Variants in AKAP19 observed in about 807,000 individuals in gnomAD.
AKAP19 encodes the protein A-kinase anchoring protein 19.
the AKAP19 span, chr2:190,056,912 T>C: frequency 8.5e-6 from 2 of 234,216 alleles, no homozygotes; most frequent in African/African-American, 4.6e-5. Context: ...AACAAAACTT[T>C]AAAGAAATAG....
At chr2:189,930,272 G>C in the AKAP19 span, 17 of 452,872 alleles carry the variant, frequency 3.8e-5, no homozygotes, top group Admixed American at 5.9e-4. Flanking sequence ...TGGCTCAATA[G>C]TCTAGGTTGA....
chr2:189,986,045 A>C, the AKAP19 span, among the ~76,000 whole-genome samples: 1 of 152,314 alleles, frequency 6.6e-6, no homozygotes, highest in South Asian at 2.1e-4. Flanking sequence ...AATTTGAGAG[A>C]GGCTAGCCAT....
chr2:189,949,669 C>G, the AKAP19 span, among the ~76,000 whole-genome samples: 7 of 133,316 alleles, frequency 5.3e-5, no homozygotes, highest in Non-Finnish European at 1.1e-4. Context: ...GAGTCTCACT[C>G]TCACCAGGCT....
At chr2:190,056,229 A>G in the AKAP19 span, 1 of 152,566 alleles carries the variant, frequency 6.6e-6, no homozygotes, top group South Asian at 2.1e-4. Context: ...TTAATTTGAA[A>G]TGTCCTTAGT....
At chr2:189,894,281 A>G in the AKAP19 span, among the ~76,000 whole-genome samples, 1 of 152,100 alleles carries the variant, frequency 6.6e-6, no homozygotes, top group Admixed American at 6.6e-5. Context: ...GATTAAAATA[A>G]TTTTCTTTAT....
At chr2:190,018,769 T>C in the AKAP19 span, among the ~76,000 whole-genome samples, 67 of 152,222 alleles carry the variant, frequency 4.4e-4, 1 homozygote, top group Non-Finnish European at 5.1e-4. Flanking sequence ...TCTTTCACTT[T>C]TACAGATGTT....
At chr2:190,074,083 C>T in the AKAP19 span, among the ~76,000 whole-genome samples, 1 of 151,536 alleles carries the variant, frequency 6.6e-6, no homozygotes, top group South Asian at 2.1e-4. Context: ...TAGGCTCCAT[C>T]ACCAAAGATT....
the AKAP19 span, among the ~76,000 whole-genome samples, chr2:190,143,639 A>C: frequency 6.6e-6 from 1 of 152,204 alleles, no homozygotes; most frequent in Non-Finnish European, 1.5e-5. Flanking sequence ...TTCTCCTAGA[A>C]ATACCATTTG....
chr2:190,189,167 A>G, the AKAP19 span, among the ~76,000 whole-genome samples: 6 of 152,356 alleles, frequency 3.9e-5, no homozygotes, highest in South Asian at 2.1e-4. Context: ...GGCAATGAGA[A>G]GAAAGAAACA....
the AKAP19 span, chr2:190,181,205 A>C: frequency 4.2e-6 from 4 of 953,980 alleles, no homozygotes; most frequent in Non-Finnish European, 5.0e-6. Flanking sequence ...CAATGGCAGA[A>C]ACCCATGAGT....
chr2:190,028,777 G>A, the AKAP19 span, among the ~76,000 whole-genome samples: 3 of 152,052 alleles, frequency 2.0e-5, no homozygotes, highest in Non-Finnish European at 2.9e-5. Flanking sequence ...ACCTCATTAA[G>A]AATCAAATAA....
chr2:190,106,617 C>A, the AKAP19 span, among the ~76,000 whole-genome samples: 1 of 152,098 alleles, frequency 6.6e-6, no homozygotes, highest in African/African-American at 2.4e-5. Context: ...ATCCATGGGG[C>A]CTTTATCTCT....
the AKAP19 span, among the ~76,000 whole-genome samples, chr2:190,151,724 G>A: frequency 3.3e-5 from 5 of 151,190 alleles, no homozygotes; most frequent in Non-Finnish European, 5.9e-5. Context: ...TGGCCAGGCC[G>A]GGCATAGTGG....
the AKAP19 span, among the ~76,000 whole-genome samples, chr2:190,065,039 G>A: frequency 1.3e-5 from 2 of 152,152 alleles, no homozygotes; most frequent in Non-Finnish European, 2.9e-5. Context: ...CAGGTTCCCA[G>A]ATGAGGTCAA....
At chr2:189,993,118 A>T in the AKAP19 span, among the ~76,000 whole-genome samples, 1 of 152,150 alleles carries the variant, frequency 6.6e-6, no homozygotes, top group Non-Finnish European at 1.5e-5. Flanking sequence ...AATGCTTTCA[A>T]CTTTTCCCTG....
the AKAP19 span, chr2:189,930,995 T>G: frequency 8.6e-6 from 7 of 815,296 alleles, no homozygotes; most frequent in Non-Finnish European, 1.4e-5. Context: ...GTGGGGGATT[T>G]GAGGCAGTTC....
At chr2:190,131,760 T>C in the AKAP19 span, among the ~76,000 whole-genome samples, 1 of 152,174 alleles carries the variant, frequency 6.6e-6, no homozygotes, top group Non-Finnish European at 1.5e-5. Context: ...AGAATTAAAC[T>C]GAATTAGAGC....
chr2:189,883,388 AGATCTCAACCT>A, the AKAP19 span, among the ~76,000 whole-genome samples: 3 of 152,196 alleles, frequency 2.0e-5, no homozygotes, highest in Non-Finnish European at 2.9e-5. Flanking sequence ...AGGGCTTAGA[AGATCTCAACCT>A]GACTATGCTG....
chr2:189,980,824 G>C, the AKAP19 span, among the ~76,000 whole-genome samples: 4 of 152,116 alleles, frequency 2.6e-5, no homozygotes, highest in Non-Finnish European at 5.9e-5. Flanking sequence ...ATGTATTTTT[G>C]TGGTTTTGAG....
Sources: gnomAD v4.1 joint callset for allele counts (sites outside exome capture counted in the v4.1 genomes callset) on GRCh38, gnomAD v4.1.1 for gene constraint, MANE v1.5 for transcripts, NCBI Gene and HGNC (gene_info 2026-07-23, HGNC 2026-07-21) for gene names.